Variants in MYPN observed in about 807,000 individuals in gnomAD.
The protein encoded by MYPN is myopalladin, also known as sarcomeric protein myopalladin, 145 kDa (MYOP).
A neutral mutation model predicts 129.4 loss-of-function variants in MYPN; 63 were observed. The ratio of observed to expected loss-of-function variants is 0.49; its 90% CI spans 0.40 to 0.60. The LOEUF is 0.60. MYPN is among the 20% of genes least tolerant of loss of function. MYPN has a pLI of 0.00. For missense variants in MYPN, 1,596 were observed against 1,635.4 expected, an observed-to-expected ratio of 0.98 and a Z score of 0.42; for synonymous variants, 629 against 600.9, an observed-to-expected ratio of 1.05 and a Z score of -0.68.
At position 68,210,347 on chromosome 10, in the gene MYPN, A is replaced by T. The variant is rs1258782080; in HGVS notation, c.3855A>T (p.Gly1285=). ...MSVRPSGSRY[G]SLTSKGLDIF... Reference sequence around the variant, plus strand: ...TCCGGCCCAGTGGCAGTCGCTACGGATCTCTCACCAGTAAAGGACTTGACA... The same window carrying T: ...TCCGGCCCAGTGGCAGTCGCTACGGTTCTCTCACCAGTAAAGGACTTGACA... Residue 1285 remains glycine (G), a synonymous_variant, in exon 20 of 20, where the codon GGA becomes GGT. Transcript: ENST00000358913. 6.2e-7 allele frequency: 1 copy of T among 1,614,058 alleles called. No homozygotes were observed. Among genetic ancestry groups the T allele is most frequent in the Admixed American group, 1.7e-5 (1 of 60,012 alleles).
intron 2 of MYPN, among the ~76,000 whole-genome samples, chr10:68,136,924 C>T (rs2042496085): frequency 6.6e-6 from 1 of 152,142 alleles, no homozygotes; most frequent in Non-Finnish European, 1.5e-5. Flanking sequence ...TTATTTACCT[C>T]TAGCTTCTAA....
intron 18 of MYPN, among the ~76,000 whole-genome samples, chr10:68,205,995 C>T (rs1371214696): frequency 2.0e-5 from 3 of 152,138 alleles, no homozygotes; most frequent in Non-Finnish European, 4.4e-5. Flanking sequence ...AACACTTATT[C>T]ATCCTTTGAG....
At chr10:68,153,145 C>G (rs1447779180) in intron 6 of MYPN, among the ~76,000 whole-genome samples, 4 of 150,780 alleles carry the variant, frequency 2.7e-5, no homozygotes, top group Non-Finnish European at 5.9e-5. Flanking sequence ...ACCACCATGC[C>G]TGGCTAATTT....
intron 13 of MYPN, among the ~76,000 whole-genome samples, chr10:68,192,379 G>A (rs1392914183): frequency 6.6e-6 from 1 of 152,124 alleles, no homozygotes; most frequent in African/African-American, 2.4e-5. Flanking sequence ...TCTTTTCGAT[G>A]TGTTGTTGAA....
At position 68,152,425 on chromosome 10, in the gene MYPN, G is replaced by A. The variant is rs137925745; in HGVS notation, c.1317+2314G>A. 2.9e-3 allele frequency among the ~76,000 whole-genome samples: 437 copies of A among 152,038 alleles called. 3 individuals are homozygous for A. The highest frequency in any genetic ancestry group is 9.8e-3 in the African/African-American group (408 of 41,468). ...AGGGGAGGGTGCAGAGCGGGTGTGCGCTAAGAATTTCATTTTTGGTTGACA... is the reference window on the plus strand; with the variant it reads ...AGGGGAGGGTGCAGAGCGGGTGTGCACTAAGAATTTCATTTTTGGTTGACA... On this transcript the variant is annotated intron_variant, in intron 6 of 19. Transcript: ENST00000358913.
Position 68,166,676 on chromosome 10 carries a change from A to T in MYPN, c.1973+10A>T, listed in dbSNP as rs756078237. The T allele has an allele frequency of 9.9e-6, 16 of 1,613,762 alleles. No homozygotes were observed. In the Admixed American group the frequency reaches 1.8e-4, roughly 18 times the overall value. ...TGGCCAAACCCAAACTGTAAGTAAAAAGTAGGATGAATAACCAGGAGCTTC... is the reference window on the plus strand; with the variant it reads ...TGGCCAAACCCAAACTGTAAGTAAATAGTAGGATGAATAACCAGGAGCTTC... On this transcript the variant is annotated intron_variant, in intron 10 of 19. Transcript: ENST00000358913.
In MYPN at chr10:68,166,601, A is replaced by C; in HGVS notation, c.1908A>C (p.Ala636=). The C allele has an allele frequency of 6.2e-7, 1 of 1,614,124 alleles. No individual in the cohort carries two copies. Residue 636 remains alanine, a synonymous_variant, in exon 10 of 20, where the codon GCA becomes GCC. Coordinates refer to ENST00000358913, the MANE Select transcript of MYPN (RefSeq NM_032578.4). ...DSFQERFNGQ[A]TKTPEPSSPV... is the part of the protein sequence containing the mutation. ...TCCAGGAGAGGTTCAACGGACAGGC[A>C]ACAAAAACCCCAGAGCCTTCTTCCC...
intron 2 of MYPN, chr10:68,136,561 T>A: frequency 1.4e-6 from 2 of 1,450,562 alleles, no homozygotes; most frequent in Non-Finnish European, 1.8e-6. Flanking sequence ...TGGGTCATGC[T>A]GTTAAAGTCA....
intron 7 of MYPN, among the ~76,000 whole-genome samples, chr10:68,159,755 A>G (rs2042942172): frequency 1.3e-5 from 2 of 152,180 alleles, no homozygotes; most frequent in Non-Finnish European, 1.5e-5. Flanking sequence ...CTGGGCAGTG[A>G]GTCTAGGGTC....
chr10:68,182,669 G>A (rs1013352046), intron 12 of MYPN, among the ~76,000 whole-genome samples: 14 of 151,562 alleles, frequency 9.2e-5, no homozygotes, highest in African/African-American at 3.4e-4. Context: ...ACCATGCCTG[G>A]CTACTTTTTT....
intron 6 of MYPN, among the ~76,000 whole-genome samples, chr10:68,154,309 C>G (rs2042830390): frequency 6.6e-6 from 1 of 152,236 alleles, no homozygotes; most frequent in African/African-American, 2.4e-5. Context: ...AGCAGCTGCT[C>G]TGGCAGGCTT....
At chr10:68,202,051 A>G in intron 18 of MYPN, 57 bp downstream of exon 18, 2 of 1,597,608 alleles carry the variant, frequency 1.3e-6, no homozygotes, top group South Asian at 2.2e-5. Context: ...TTGTTGCGCC[A>G]CCCAAATAAG....
At chr10:68,204,539 T>G (rs1436858186) in intron 18 of MYPN, among the ~76,000 whole-genome samples, 2 of 152,028 alleles carry the variant, frequency 1.3e-5, no homozygotes, top group Non-Finnish European at 2.9e-5. Flanking sequence ...CTGGCCAACA[T>G]GGCAAAACCC....
chr10:68,187,341 T>G (rs2043438675), intron 12 of MYPN, among the ~76,000 whole-genome samples: 1 of 152,082 alleles, frequency 6.6e-6, no homozygotes, highest in Non-Finnish European at 1.5e-5. Flanking sequence ...TTCAGAAAAT[T>G]TCATAGAAAT....
upstream of MYPN, among the ~76,000 whole-genome samples, chr10:68,107,478 C>G (rs886617939): frequency 1.3e-5 from 2 of 150,722 alleles, no homozygotes; most frequent in African/African-American, 4.9e-5. Context: ...GGAGCTGGGA[C>G]TACAGGCATG....
chr10:68,197,241 TCA>T, intron 15 of MYPN, 109 bp from the exon 16 acceptor site: 110 of 922,196 alleles, frequency 1.2e-4, no homozygotes, highest in Admixed American at 1.9e-4. Flanking sequence ...CTTTCCCCCT[TCA>T]AAAAAAAAAA....
chr10:68,107,780 C>A (rs1199004243), upstream of MYPN, among the ~76,000 whole-genome samples: 1 of 152,124 alleles, frequency 6.6e-6, no homozygotes, highest in East Asian at 1.9e-4. Flanking sequence ...CCTTAGTATT[C>A]TATACCTGGG....
chr10:68,144,903 G>A (rs1040607361), intron 3 of MYPN, among the ~76,000 whole-genome samples: 7 of 152,136 alleles, frequency 4.6e-5, no homozygotes, highest in African/African-American at 1.4e-4. Context: ...TAGAAGTTGG[G>A]TCAGTTAATT....
intron 10 of MYPN, among the ~76,000 whole-genome samples, chr10:68,170,699 G>C (rs1169505732): frequency 2.0e-5 from 3 of 152,138 alleles, no homozygotes; most frequent in Admixed American, 2.0e-4. Flanking sequence ...TGAATATTAA[G>C]CTGTCTAGAG....
Sources: gnomAD v4.1 joint callset for allele counts (sites outside exome capture counted in the v4.1 genomes callset) on GRCh38, gnomAD v4.1.1 for gene constraint, MANE v1.5 for transcripts, NCBI Gene and HGNC (gene_info 2026-07-23, HGNC 2026-07-21) for gene names.